BCAR3: variants seen among roughly 807,000 people sequenced by gnomAD.
The protein encoded by BCAR3 is BCAR3 adaptor protein, NSP family member, also known as breast cancer anti-estrogen resistance protein 3.
A neutral mutation model predicts 80.1 loss-of-function variants in BCAR3; 37 were observed. That is an observed-to-expected ratio of 0.46 (90% CI 0.36 to 0.61). The LOEUF (loss-of-function observed/expected upper bound fraction) is 0.61. Among genes scored for constraint, BCAR3 ranks in the 20% least tolerant of loss-of-function variants. BCAR3 has a pLI of 0.00. For synonymous variants in BCAR3, 389 were observed against 418.9 expected (o/e 0.93, Z 0.87); for missense variants, 978 against 1,068.2 (o/e 0.92, Z 1.18).
At chr1:93,664,763 G>A (rs766379340) in intron 2 of BCAR3, among the ~76,000 whole-genome samples, 7 of 152,162 alleles carry the variant, frequency 4.6e-5, no homozygotes, top group Non-Finnish European at 8.8e-5. Flanking sequence ...AAGAAAAACC[G>A]TATCAAGGCC....
intron 11 of BCAR3, among the ~76,000 whole-genome samples, chr1:93,567,020 G>A (rs971294818): frequency 1.3e-5 from 2 of 152,116 alleles, no homozygotes; most frequent in African/African-American, 2.4e-5. Context: ...GAACCACCAC[G>A]CCCGGCCCCA....
At chr1:93,735,013 T>C (rs1650927230) in intron 2 of BCAR3, among the ~76,000 whole-genome samples, 1 of 152,158 alleles carries the variant, frequency 6.6e-6, no homozygotes, top group African/African-American at 2.4e-5. Flanking sequence ...TCTTGGAGTT[T>C]GTTTAACTGC....
intron 2 of BCAR3, among the ~76,000 whole-genome samples, chr1:93,783,255 T>G (rs1011469658): frequency 3.3e-5 from 5 of 152,320 alleles, no homozygotes; most frequent in Admixed American, 6.5e-5. Flanking sequence ...AGCTAATCGT[T>G]ATAGGGGGCT....
At chr1:93,583,604 ACAG>A (rs1673816962) in intron 6 of BCAR3, among the ~76,000 whole-genome samples, 1 of 152,160 alleles carries the variant, frequency 6.6e-6, no homozygotes, top group East Asian at 1.9e-4. Flanking sequence ...GTTGGCCTGG[ACAG>A]CTGTTCTGCC....
intron 3 of BCAR3, among the ~76,000 whole-genome samples, chr1:93,608,826 T>G (rs551826544): frequency 1.3e-5 from 2 of 152,198 alleles, no homozygotes; most frequent in South Asian, 2.1e-4. Context: ...GCTGGAGAGA[T>G]AAGTGAGCAA....
intron 3 of BCAR3, among the ~76,000 whole-genome samples, chr1:93,690,455 A>G (rs2101963190): frequency 6.6e-6 from 1 of 152,368 alleles, no homozygotes; most frequent in East Asian, 1.9e-4. Flanking sequence ...CCCCTTTTAC[A>G]GATGAGGACA....
chr1:93,633,780 G>A (rs575632684), intron 3 of BCAR3, among the ~76,000 whole-genome samples: 7 of 152,268 alleles, frequency 4.6e-5, no homozygotes, highest in South Asian at 2.1e-4. Context: ...GATTACAGGC[G>A]CATGCCACCA....
At chr1:93,613,924 T>G in intron 3 of BCAR3, 1 of 1,550,434 alleles carries the variant, frequency 6.4e-7, no homozygotes, top group African/African-American at 1.4e-5. Context: ...CTGCATTCCT[T>G]AGGCATCTTT....
At chr1:93,693,619 A>G (rs1649277017) in intron 3 of BCAR3, among the ~76,000 whole-genome samples, 1 of 152,202 alleles carries the variant, frequency 6.6e-6, no homozygotes, top group South Asian at 2.1e-4. Flanking sequence ...AGCGTCCCCC[A>G]AAGTGCAAGG....
At chr1:93,820,648 T>G (rs1265915941) in intron 2 of BCAR3, among the ~76,000 whole-genome samples, 1 of 152,226 alleles carries the variant, frequency 6.6e-6, no homozygotes, top group African/African-American at 2.4e-5. Flanking sequence ...TGTGGATGTG[T>G]TCACCAACCT....
intron 3 of BCAR3, among the ~76,000 whole-genome samples, chr1:93,698,747 G>A (rs1649522954): frequency 6.6e-6 from 1 of 152,228 alleles, no homozygotes; most frequent in African/African-American, 2.4e-5. Context: ...AGTCAAGTCT[G>A]TGGCCAATCT....
intron 2 of BCAR3, among the ~76,000 whole-genome samples, chr1:93,829,516 G>T (rs1000212237): frequency 1.3e-5 from 2 of 151,848 alleles, no homozygotes; most frequent in Non-Finnish European, 2.9e-5. Flanking sequence ...TTTTGGGGCT[G>T]CTTTTTATTA....
At chr1:93,639,422 T>G (rs1326946943) in intron 3 of BCAR3, among the ~76,000 whole-genome samples, 1 of 150,946 alleles carries the variant, frequency 6.6e-6, no homozygotes. Context: ...ATCTGGGCAC[T>G]GAAAAAACCA....
In BCAR3 at chr1:93,720,886, G is replaced by A. The variant is rs150339338; in HGVS notation, c.-62-14744C>T. On this transcript the variant is annotated intron_variant, in intron 2 of 13. Transcript: ENST00000370244. ...GAAGCTGCCGGAACTCCCAGGCCCT[G>A]CGCTCTCATGGTGTCTGCCTGCCCT... Among the ~76,000 whole-genome samples, 701 of 151,740 alleles carry A rather than the reference G, an allele frequency of 4.6e-3. 2 individuals carry two copies. Among genetic ancestry groups the A allele is most frequent in the African/African-American group, 0.016 (672 of 41,022 alleles).
chr1:93,643,254 T>C (rs1676045696), intron 2 of BCAR3, among the ~76,000 whole-genome samples: 1 of 145,538 alleles, frequency 6.9e-6, no homozygotes, highest in Non-Finnish European at 1.5e-5. Flanking sequence ...CCAGGCGTGG[T>C]GGCTCATGCT....
intron 2 of BCAR3, among the ~76,000 whole-genome samples, chr1:93,774,930 CAG>C (rs1487114464): frequency 3.9e-5 from 6 of 152,192 alleles, no homozygotes; most frequent in African/African-American, 1.2e-4. Flanking sequence ...CATGCTGACA[CAG>C]AGGACTTCCA....
chr1:93,830,909 T>C (rs1279795311), intron 2 of BCAR3, among the ~76,000 whole-genome samples: 2 of 152,158 alleles, frequency 1.3e-5, no homozygotes, highest in Non-Finnish European at 2.9e-5. Context: ...CTTTTCACTC[T>C]CTTCTCCAGC....
intron 2 of BCAR3, among the ~76,000 whole-genome samples, chr1:93,814,993 C>T (rs1261286124): frequency 6.6e-6 from 1 of 152,258 alleles, no homozygotes; most frequent in African/African-American, 2.4e-5. Flanking sequence ...TGCCTGCCTT[C>T]TTTCCTACTT....
intron 3 of BCAR3, among the ~76,000 whole-genome samples, chr1:93,687,155 G>A (rs1181661762): frequency 6.6e-6 from 1 of 152,074 alleles, no homozygotes; most frequent in Non-Finnish European, 1.5e-5. Flanking sequence ...AACTCCTTTG[G>A]CTTTTCACCT....
Sources: allele counts gnomAD v4.1 joint callset (sites outside exome capture counted in the v4.1 genomes callset), GRCh38; gene constraint gnomAD v4.1.1; transcripts MANE v1.5; gene names NCBI Gene and HGNC (gene_info 2026-07-23, HGNC 2026-07-21).